Variants in CHPF2 observed in about 807,000 individuals in gnomAD.
CHPF2 encodes chondroitin polymerizing factor 2, non-catalytic subunit.
In CHPF2, 58 loss-of-function variants were observed where a neutral mutation model predicts 63.0. The ratio of observed to expected loss-of-function variants is 0.92; its 90% CI spans 0.75 to 1.15. The LOEUF (loss-of-function observed/expected upper bound fraction) is 1.15, where lower values mean the gene tolerates loss of function less well. Among genes scored for constraint, CHPF2 ranks in the 50% most tolerant of loss-of-function variants. The pLI is 0.00. For missense variants in CHPF2, 1,045 were observed against 1,035.4 expected, an observed-to-expected ratio of 1.01 and a Z score of -0.13; for synonymous variants, 442 against 438.0, an observed-to-expected ratio of 1.01 and a Z score of -0.11.
chr7:151,238,182 G>A lies in CHPF2; in HGVS notation c.1820G>A (p.Cys607Tyr), dbSNP rs572673739. The A allele has an allele frequency of 2.5e-6, 4 of 1,612,956 alleles. No homozygotes were observed. In the South Asian group the frequency reaches 4.4e-5, roughly 18 times the overall value. ...TRPGPEVLNR[C>Y]RMNAISGWQA... ...CCTGGGCCCGAAGTCCTCAACCGCT[G>A]TCGCATGAATGCCATCTCTGGCTGG... The change falls in exon 4 of 4, where the codon TGT (cysteine) becomes TAT (tyrosine). Residue 607 changes from cysteine (C) to tyrosine (Y), a missense_variant. Physicochemically the swap from Cys to Tyr is radical, Grantham distance 194. Transcript: ENST00000035307.
Position 151,234,275 on chromosome 7 carries a change from G to A in CHPF2, c.263+1G>A, listed in dbSNP as rs1563628495. 6.3e-7 allele frequency: 1 copy of A among 1,575,920 alleles called. No individual in the cohort carries two copies. Among genetic ancestry groups the A allele is most frequent in the Non-Finnish European group, 8.6e-7 (1 of 1,161,068 alleles). ...ACAAGCCCTACAAGAAGGTGCTCAG[G>A]TGAGAGCAACATGTGTGCATAGTCC... On this transcript the variant is annotated splice_donor_variant, in intron 1 of 3. Coordinates refer to ENST00000035307, the MANE Select transcript of CHPF2 (RefSeq NM_019015.3). LOFTEE classifies it high-confidence loss of function.
In CHPF2 at chr7:151,238,274, G is replaced by A; in HGVS notation, c.1912G>A (p.Gly638Arg). 6.2e-7 allele frequency: 1 copy of A among 1,611,672 alleles called. No homozygotes were observed. The highest frequency in any genetic ancestry group is 8.5e-7 in the Non-Finnish European group (1 of 1,179,252). Residue 638 changes from glycine to arginine, a missense_variant, in exon 4 of 4, where the codon GGG becomes AGG. Coordinates refer to ENST00000035307, the MANE Select transcript of CHPF2 (RefSeq NM_019015.3). Reference protein sequence around the residue: ...PALSPQRSPPGPPGAGPDPPS... With the variant: ...PALSPQRSPPRPPGAGPDPPS... ...CCTGTCACCACAGAGATCACCCCCA[G>A]GGCCCCCGGGGGCTGGCCCTGACCC...
At position 151,234,166 on chromosome 7, in the gene CHPF2, C is replaced by A. The variant is rs1263482512; in HGVS notation, c.155C>A (p.Pro52Gln). ...GAGGCTGTAGGGGAGCGAGGAGGGC[C>A]ACAGAATCCAGATTCCAGAGCTCGG... is the stretch of plus-strand genomic sequence containing the variant. ...CVEAVGERGG[P>Q]QNPDSRARLD... Residue 52 changes from proline to glutamine, a missense_variant, in exon 1 of 4, where the codon CCA becomes CAA. Pro to Gln is a moderately conservative substitution (Grantham distance 76). Transcript: ENST00000035307. The A allele has an allele frequency of 1.2e-6, 2 of 1,613,620 alleles. No individual in the cohort carries two copies. The highest frequency in any genetic ancestry group is 1.7e-6 in the Non-Finnish European group (2 of 1,179,874).
chr7:151,237,803 C>T lies in CHPF2; in HGVS notation c.1441C>T (p.Pro481Ser). The T allele has an allele frequency of 6.2e-7, 1 of 1,612,664 alleles. No homozygotes were observed. The highest frequency in any genetic ancestry group is 2.2e-5 in the East Asian group (1 of 44,874). ...GAGCCGGGTGGAAATCCTACCTATG[C>T]CCTATGTCACTGAGGCCACCCGAGT... ...PLSRVEILPM[P>S]YVTEATRVQL... The change falls in exon 4 of 4, where the codon CCC becomes TCC. Residue 481 changes from proline (P) to serine (S), a missense_variant. By Grantham distance (74) the Pro-to-Ser change is moderately conservative (BLOSUM62 -1). Coordinates refer to ENST00000035307, the MANE Select transcript of CHPF2 (RefSeq NM_019015.3).
rs766205044 is a variant in CHPF2 at position 151,232,771 on chromosome 7, T to C, written c.-1241T>C. ...TCCTGCGCTCGCGGCCTCGATGCTG[T>C]CTCTGGCGCGGCCTCCGCTCCCGCC... On this transcript the variant is annotated 5_prime_UTR_variant, in exon 1 of 4. Transcript: ENST00000035307. The C allele has an allele frequency of 1.0e-5, 15 of 1,506,172 alleles. No homozygotes were observed. The South Asian group carries it at 1.7e-4, about 17-fold the overall frequency. 93.3% of individuals were successfully genotyped at this position (1,506,172 alleles called of 1,614,324 possible).
chr7:151,235,191 G>A lies in CHPF2; in HGVS notation c.407G>A (p.Gly136Glu), dbSNP rs139290946. ...HHFPRLLYFT[G>E]QRGARAPAGM... ...TTCCCTCGGTTACTCTACTTCACTGGGCAGCGGGGGGCCCGGGCTCCAGCA... is the reference window on the plus strand; with the variant it reads ...TTCCCTCGGTTACTCTACTTCACTGAGCAGCGGGGGGCCCGGGCTCCAGCA... The change falls in exon 2 of 4, where the codon GGG becomes GAG. Residue 136 changes from glycine (G) to glutamate (E), a missense_variant. Transcript: ENST00000035307. 173 of 1,613,192 alleles carry A rather than the reference G, an allele frequency of 1.1e-4. 1 individual carries two copies. The African/African-American group carries it at 2.0e-3, about 18-fold the overall frequency.
At position 151,237,398 on chromosome 7, in the gene CHPF2, C is replaced by A; in HGVS notation, c.1036C>A (p.Leu346Met). ...GGCTCAGATCCGGAACCTGACCGTGCTGACCCCCGAAGGGGAGGCAGGGCT... is the reference window on the plus strand; with the variant it reads ...GGCTCAGATCCGGAACCTGACCGTGATGACCCCCGAAGGGGAGGCAGGGCT... ...LQAQIRNLTV[L>M]TPEGEAGLSW... The change falls in exon 4 of 4, where the codon CTG (leucine) becomes ATG (methionine). Residue 346 changes from leucine to methionine, a missense_variant. Physicochemically the swap from Leu to Met is conservative, Grantham distance 15. Transcript: ENST00000035307. The A allele has an allele frequency of 6.2e-7, 1 of 1,602,406 alleles. No homozygotes were observed. Among genetic ancestry groups the A allele is most frequent in the Non-Finnish European group, 8.5e-7 (1 of 1,171,256 alleles).
chr7:151,237,304 G>A, intron 3 of CHPF2, 70 bp from the exon 4 acceptor site: 1 of 1,262,642 alleles, frequency 7.9e-7, no homozygotes, highest in Non-Finnish European at 1.1e-6. Context: ...GAATCTCAGA[G>A]CCCAGGCAGC....
In CHPF2 at chr7:151,234,204, G is replaced by T. The variant is rs1434163854; in HGVS notation, c.193G>T (p.Asp65Tyr). The change falls in exon 1 of 4, where the codon GAT (aspartate) becomes TAT (tyrosine). Residue 65 changes from aspartate (D) to tyrosine (Y), a missense_variant. By Grantham distance (160) the Asp-to-Tyr change is radical (BLOSUM62 -3). Coordinates refer to ENST00000035307, the MANE Select transcript of CHPF2 (RefSeq NM_019015.3). ...TTCCAGAGCTCGGCTAGACCAAAGT[G>T]ATGAAGACTTCAAACCCCGGATTGT... ...PDSRARLDQS[D>Y]EDFKPRIVPY... 3.7e-6 allele frequency: 6 copies of T among 1,613,430 alleles called. No homozygotes were observed. The South Asian group carries it at 5.5e-5, about 15-fold the overall frequency.
chr7:151,236,588 C>T lies in CHPF2; in HGVS notation c.1009C>T (p.Gln337Ter), dbSNP rs1802658933. The change falls in exon 3 of 4, where the codon CAG (glutamine) becomes TAG (stop). Residue 337 changes from glutamine to a stop codon, truncating the protein, a stop_gained and splice_region_variant. Coordinates refer to ENST00000035307, the MANE Select transcript of CHPF2 (RefSeq NM_019015.3). LOFTEE classifies it high-confidence loss of function. Reference sequence around the variant, plus strand: ...GGCTTACAGTGAAATAGAACAACTGCAGGTGAGCTGAAGAGGAGCAGGTGG... The same window carrying T: ...GGCTTACAGTGAAATAGAACAACTGTAGGTGAGCTGAAGAGGAGCAGGTGG... ...ERAYSEIEQL[Q>*]AQIRNLTVLT... is the part of the protein sequence containing the mutation. 1 of 1,570,750 alleles carries T rather than the reference C, an allele frequency of 6.4e-7. No homozygotes were observed. Among genetic ancestry groups the T allele is most frequent in the African/African-American group, 1.4e-5 (1 of 73,914 alleles).
chr7:151,237,028 T>C (rs1444520478), intron 3 of CHPF2: 1 of 553,396 alleles, frequency 1.8e-6, no homozygotes, highest in Admixed American at 2.2e-5. Flanking sequence ...AGAGGTGGAG[T>C]GTAGATGAAA....
rs1223689479 is a variant in CHPF2, at chr7:151,237,690, A to G, written c.1328A>G (p.Glu443Gly). The change falls in exon 4 of 4, where the codon GAG (glutamate) becomes GGG (glycine). Residue 443 changes from glutamate (E) to glycine (G), a missense_variant. Coordinates refer to ENST00000035307, the MANE Select transcript of CHPF2 (RefSeq NM_019015.3). Reference sequence around the variant, plus strand: ...CGCTTCGACCCAGCACGGGGCATGGAGTACACCCTGGACCTGCTGTTGGAA... The same window carrying G: ...CGCTTCGACCCAGCACGGGGCATGGGGTACACCCTGGACCTGCTGTTGGAA... The part of the protein sequence containing the change: ...YRRFDPARGM[E>G]YTLDLLLECV... 1 of 1,613,062 alleles carries G rather than the reference A, an allele frequency of 6.2e-7. No individual in the cohort carries two copies. The highest frequency in any genetic ancestry group is 1.1e-5 in the South Asian group (1 of 91,092).
chr7:151,233,954 A>T lies in CHPF2; in HGVS notation c.-58A>T. On this transcript the variant is annotated 5_prime_UTR_variant, in exon 1 of 4. Transcript: ENST00000035307. ...GCCTACTACTGGCCTGGTGCCCATC[A>T]ATCCATTGATCCTTGAGGCTGTGCC... 1 of 1,455,432 alleles carries T rather than the reference A, an allele frequency of 6.9e-7. No homozygotes were observed. Among genetic ancestry groups the T allele is most frequent in the Non-Finnish European group, 9.0e-7 (1 of 1,105,242 alleles). The allele number at this position is 1,455,432 out of a possible 1,614,324, so 90.2% of individuals were successfully genotyped here.
At position 151,236,534 on chromosome 7, in the gene CHPF2, A is replaced by G. The variant is rs1213453670; in HGVS notation, c.955A>G (p.Lys319Glu). The G allele has an allele frequency of 6.2e-7, 1 of 1,609,172 alleles. No individual in the cohort carries two copies. Among genetic ancestry groups the G allele is most frequent in the Admixed American group, 1.7e-5 (1 of 59,838 alleles). Reference sequence around the variant, plus strand: ...AGGTACCCTCATGTACCGGCTCCACAAACGCTTCAGCGCTCTGGAGTTGGA... The same window carrying G: ...AGGTACCCTCATGTACCGGCTCCACGAACGCTTCAGCGCTCTGGAGTTGGA... The part of the protein sequence containing the change: ...SEGTLMYRLH[K>E]RFSALELERA... The change falls in exon 3 of 4, where the codon AAA (lysine) becomes GAA (glutamate). Residue 319 changes from lysine (K) to glutamate (E), a missense_variant. Physicochemically the swap from Lys to Glu is moderately conservative, Grantham distance 56. Coordinates refer to ENST00000035307, the MANE Select transcript of CHPF2 (RefSeq NM_019015.3).
intron 3 of CHPF2, chr7:151,236,863 T>G (rs1802669030): frequency 1.7e-6 from 1 of 588,848 alleles, no homozygotes; most frequent in African/African-American, 1.8e-5. Flanking sequence ...ATCAGGAAGC[T>G]CCGCACAGTG....
rs764042006 is a variant in CHPF2, at chr7:151,238,039, G to A, written c.1677G>A (p.Thr559=). 6.8e-6 allele frequency: 11 copies of A among 1,612,606 alleles called. No individual in the cohort carries two copies. In the East Asian group the frequency reaches 1.6e-4, roughly 23 times the overall value. The change falls in exon 4 of 4, where the codon ACG becomes ACA. Residue 559 remains threonine, a synonymous_variant. Transcript: ENST00000035307. ...AAELERRYPG[T]RLAWLAVRAE... Reference sequence around the variant, plus strand: ...AGTTAGAGCGACGGTACCCTGGGACGAGGCTGGCCTGGCTCGCTGTGCGAG... The same window carrying A: ...AGTTAGAGCGACGGTACCCTGGGACAAGGCTGGCCTGGCTCGCTGTGCGAG...
Position 151,234,003 on chromosome 7 carries a change from C to T in CHPF2, c.-9C>T. 1 of 1,510,122 alleles carries T rather than the reference C, an allele frequency of 6.6e-7. No individual in the cohort carries two copies. Among genetic ancestry groups the T allele is most frequent in the Non-Finnish European group, 8.8e-7 (1 of 1,130,568 alleles). The allele number at this position is 1,510,122 out of a possible 1,614,324, so 93.5% of individuals were successfully genotyped here. Reference sequence around the variant, plus strand: ...CCCCTGGGGCACCCACCTGGCAGGGCCTACCACCATGCGACTGAGCTCCCT... The same window carrying T: ...CCCCTGGGGCACCCACCTGGCAGGGTCTACCACCATGCGACTGAGCTCCCT... On this transcript the variant is annotated 5_prime_UTR_variant, in exon 1 of 4. Coordinates refer to ENST00000035307, the MANE Select transcript of CHPF2 (RefSeq NM_019015.3).
In CHPF2 at chr7:151,233,111, C is replaced by G; in HGVS notation, c.-901C>G. On this transcript the variant is annotated 5_prime_UTR_variant, in exon 1 of 4. Coordinates refer to ENST00000035307, the MANE Select transcript of CHPF2 (RefSeq NM_019015.3). Reference sequence around the variant, plus strand: ...TCTCTAGTTGCTGCTTGTGCTCTCTCTTTGCTTTTGGTTTGCTTCATTTGG... The same window carrying G: ...TCTCTAGTTGCTGCTTGTGCTCTCTGTTTGCTTTTGGTTTGCTTCATTTGG... The G allele has an allele frequency of 1.7e-6, 2 of 1,180,096 alleles. No individual in the cohort carries two copies. Among genetic ancestry groups the G allele is most frequent in the Non-Finnish European group, 1.0e-6 (1 of 953,680 alleles). 73.1% of individuals were successfully genotyped at this position (1,180,096 alleles called of 1,614,324 possible). A position where few individuals can be genotyped will look rare whatever the true frequency, so the allele number is the denominator to read the frequency against.
intron 1 of CHPF2, 95 bp downstream of exon 1, chr7:151,234,369 G>C (rs1035200381): frequency 1.1e-6 from 1 of 949,552 alleles, no homozygotes; most frequent in Non-Finnish European, 1.5e-6. Context: ...AATCGGCGTC[G>C]GGCGACTTGG....
Sources: allele counts gnomAD v4.1 joint callset, GRCh38; gene constraint gnomAD v4.1.1; transcripts MANE v1.5; gene names NCBI Gene and HGNC (gene_info 2026-07-23, HGNC 2026-07-21).